SPOCK1: variants seen among roughly 807,000 people sequenced by gnomAD.
The protein encoded by SPOCK1 is SPARC (osteonectin), cwcv and kazal like domains proteoglycan 1.
In SPOCK1, 23 loss-of-function variants were observed where a neutral mutation model predicts 55.3. The observed-to-expected ratio is 0.42, with a 90% CI of 0.30 to 0.59. SPOCK1 has a LOEUF of 0.59. Among genes scored for constraint, SPOCK1 ranks in the 20% least tolerant of loss-of-function variants. The probability of loss-of-function intolerance (pLI) is 0.22; values close to 1 mark genes in which losing one functional copy is unlikely to be tolerated. For missense variants in SPOCK1, 499 were observed against 552.5 expected (o/e 0.90, Z 0.97); for synonymous variants, 226 against 221.0 (o/e 1.02, Z -0.20).
intron 6 of SPOCK1, among the ~76,000 whole-genome samples, chr5:137,009,268 T>C (rs965786174): frequency 6.6e-5 from 10 of 152,176 alleles, no homozygotes; most frequent in Admixed American, 1.3e-4. Context: ...TGAAGTAGCA[T>C]GTATAAGGCT....
intron 2 of SPOCK1, among the ~76,000 whole-genome samples, chr5:137,421,911 G>T (rs1752507109): frequency 6.6e-6 from 1 of 152,186 alleles, no homozygotes; most frequent in Non-Finnish European, 1.5e-5. Context: ...TTTACAATTT[G>T]GCATGTTTTT....
intron 2 of SPOCK1, among the ~76,000 whole-genome samples, chr5:137,321,518 G>A (rs1757981579): frequency 6.6e-6 from 1 of 151,934 alleles, no homozygotes; most frequent in Non-Finnish European, 1.5e-5. Flanking sequence ...GACTATCAGT[G>A]TATATATCAG....
intron 6 of SPOCK1, among the ~76,000 whole-genome samples, chr5:137,038,006 T>C (rs1751917398): frequency 6.6e-6 from 1 of 152,192 alleles, no homozygotes; most frequent in African/African-American, 2.4e-5. Context: ...CAGACCTTTC[T>C]ACCTAACTGC....
At chr5:137,054,701 T>C (rs1752269981) in intron 6 of SPOCK1, among the ~76,000 whole-genome samples, 1 of 152,174 alleles carries the variant, frequency 6.6e-6, no homozygotes, top group South Asian at 2.1e-4. Context: ...CTCTGCCATA[T>C]GGAGAATAAA....
intron 2 of SPOCK1, among the ~76,000 whole-genome samples, chr5:137,316,109 T>A (rs1328700022): frequency 6.6e-6 from 1 of 152,118 alleles, no homozygotes; most frequent in Non-Finnish European, 1.5e-5. Context: ...AAGATTGAAG[T>A]GATAGCATCT....
intron 3 of SPOCK1, among the ~76,000 whole-genome samples, chr5:137,178,027 C>T (rs1754890294): frequency 6.6e-6 from 1 of 152,188 alleles, no homozygotes; most frequent in South Asian, 2.1e-4. Flanking sequence ...AGGAAATCTC[C>T]TCCAAAGCCC....
chr5:137,022,674 C>T lies in SPOCK1; in HGVS notation c.590-30074G>A, dbSNP rs138319736. On this transcript the variant is annotated intron_variant, in intron 6 of 10. Coordinates refer to ENST00000394945, the MANE Select transcript of SPOCK1 (RefSeq NM_004598.4). The stretch of plus-strand genomic sequence containing the variant: ...AATTTCCCTAAGCGAAAAAAAGTGT[C>T]GATTTATATCAATTTACATGTCTCA... Among the ~76,000 whole-genome samples the T allele has an allele frequency of 1.0e-3, 157 of 152,178 alleles. 1 individual carries two copies. The highest frequency in any genetic ancestry group is 1.8e-3 in the Non-Finnish European group (125 of 68,030).
In SPOCK1 at chr5:137,267,061, T is replaced by C. The variant is rs750241587; in HGVS notation, c.187-6A>G. On this transcript the variant is annotated splice_polypyrimidine_tract_variant and splice_region_variant and intron_variant, in intron 2 of 10. Coordinates refer to ENST00000394945, the MANE Select transcript of SPOCK1 (RefSeq NM_004598.4). ...CAGTTTCTGAAATAATCATCCTATATAAGGAAAAAATAGAAAACAAAGGTC... is the reference window on the plus strand; with the variant it reads ...CAGTTTCTGAAATAATCATCCTATACAAGGAAAAAATAGAAAACAAAGGTC... The C allele has an allele frequency of 4.3e-6, 7 of 1,611,316 alleles. No individual in the cohort carries two copies. The highest frequency in any genetic ancestry group is 2.2e-5 in the East Asian group (1 of 44,860).
chr5:137,338,260 C>T (rs1386412991), intron 2 of SPOCK1, among the ~76,000 whole-genome samples: 3 of 144,286 alleles, frequency 2.1e-5, no homozygotes, highest in Admixed American at 7.4e-5. Flanking sequence ...TGAGTGAGAA[C>T]ATGCAGTGTT....
intron 3 of SPOCK1, among the ~76,000 whole-genome samples, chr5:137,166,229 G>T (rs181974038): frequency 6.6e-6 from 1 of 152,228 alleles, no homozygotes; most frequent in Non-Finnish European, 1.5e-5. Context: ...AAACTTTTCA[G>T]TGGAAACCTT....
intron 4 of SPOCK1, among the ~76,000 whole-genome samples, chr5:137,125,576 A>G (rs1309807113): frequency 6.6e-6 from 1 of 152,156 alleles, no homozygotes; most frequent in Non-Finnish European, 1.5e-5. Flanking sequence ...ATGTGAGGAC[A>G]CAATGAAAAA....
chr5:137,109,890 G>C (rs1190935297), intron 5 of SPOCK1, among the ~76,000 whole-genome samples: 1 of 152,122 alleles, frequency 6.6e-6, no homozygotes, highest in Non-Finnish European at 1.5e-5. Flanking sequence ...ACTAAAATTT[G>C]AAATTACATA....
At chr5:137,025,983 T>A (rs958482323) in intron 6 of SPOCK1, among the ~76,000 whole-genome samples, 1 of 152,160 alleles carries the variant, frequency 6.6e-6, no homozygotes, top group Non-Finnish European at 1.5e-5. Flanking sequence ...TAAGGACTCA[T>A]ACAAACAAGT....
At position 137,294,926 on chromosome 5, in the gene SPOCK1, C is replaced by T. The variant is rs147260391; in HGVS notation, c.187-27871G>A. Among the ~76,000 whole-genome samples, 237 of 152,328 alleles carry T rather than the reference C, an allele frequency of 1.6e-3. 4 individuals carry two copies. The highest frequency in any genetic ancestry group is 5.5e-3 in the African/African-American group (230 of 41,572). On this transcript the variant is annotated intron_variant, in intron 2 of 10. Coordinates refer to ENST00000394945, the MANE Select transcript of SPOCK1 (RefSeq NM_004598.4). The stretch of plus-strand genomic sequence containing the variant: ...TACAAATGAATCCTTCCTTCACTAG[C>T]TATTAAAAGAAGACCAAACTCCTCT...
intron 2 of SPOCK1, among the ~76,000 whole-genome samples, chr5:137,310,308 T>C (rs1296966956): frequency 3.3e-5 from 5 of 152,214 alleles, no homozygotes; most frequent in Non-Finnish European, 7.3e-5. Flanking sequence ...CAAGCTTTTC[T>C]GAGCTCAGGA....
At position 136,987,893 on chromosome 5, in the gene SPOCK1, A is replaced by G. The variant is rs535984956; in HGVS notation, c.928+529T>C. ...AGGCCAACCTGTCTGACTTTGGGTT[A>G]TATGAAATATCCTGGTATCTTTTCT... On this transcript the variant is annotated intron_variant, in intron 8 of 10. Transcript: ENST00000394945. Among the ~76,000 whole-genome samples the G allele has an allele frequency of 1.6e-4, 24 of 152,296 alleles. No individual in the cohort carries two copies. In the Middle Eastern group the frequency reaches 0.01, roughly 65 times the overall value.
intron 2 of SPOCK1, among the ~76,000 whole-genome samples, chr5:137,411,135 C>T (rs1752201732): frequency 6.6e-6 from 1 of 152,188 alleles, no homozygotes; most frequent in East Asian, 1.9e-4. Flanking sequence ...AGGACAGGTG[C>T]AGTCCCTGCC....
chr5:137,158,940 G>T (rs1222361316), intron 3 of SPOCK1, among the ~76,000 whole-genome samples: 1 of 152,152 alleles, frequency 6.6e-6, no homozygotes, highest in African/African-American at 2.4e-5. Flanking sequence ...GCTGCCCATG[G>T]CTCCCAGCTC....
chr5:137,455,676 T>A (rs896562557), intron 2 of SPOCK1, among the ~76,000 whole-genome samples: 7 of 152,124 alleles, frequency 4.6e-5, no homozygotes, highest in Non-Finnish European at 1.0e-4. Context: ...ACTTAGAGGA[T>A]CTTCTCTTAA....
Sources: allele counts gnomAD v4.1 joint callset (sites outside exome capture counted in the v4.1 genomes callset), GRCh38; gene constraint gnomAD v4.1.1; transcripts MANE v1.5; gene names NCBI Gene and HGNC (gene_info 2026-07-23, HGNC 2026-07-21).